The following PLXNA2 variants were observed in gnomAD, a reference collection of about 807,000 sequenced individuals.
PLXNA2 encodes the protein plexin A2, also known as plexin-A2.
PLXNA2 carries 91 observed loss-of-function variants against 193.5 expected under a neutral mutation model. The ratio of observed to expected loss-of-function variants is 0.47; its 90% CI spans 0.40 to 0.56. The LOEUF is 0.56. Ranked by LOEUF, PLXNA2 falls within the 20% of genes least tolerant of loss-of-function variation. The probability of loss-of-function intolerance (pLI) is 0.00; values close to 1 mark genes in which losing one functional copy is unlikely to be tolerated. For missense variants in PLXNA2, 1,995 were observed against 2,503.2 expected (o/e 0.80, Z 4.33); for synonymous variants, 997 against 1,027.3 (o/e 0.97, Z 0.56).
At chr1:208,060,245 T>G (rs1665571257) in intron 13 of PLXNA2, among the ~76,000 whole-genome samples, 1 of 152,172 alleles carries the variant, frequency 6.6e-6, no homozygotes, top group South Asian at 2.1e-4. Context: ...GACATTTCCC[T>G]TAGTGAAATA....
chr1:208,069,333 C>G (rs888486352), intron 12 of PLXNA2, among the ~76,000 whole-genome samples: 2 of 152,162 alleles, frequency 1.3e-5, no homozygotes, highest in Admixed American at 1.3e-4. Flanking sequence ...CCCAGGAGAG[C>G]GCCAGGGCAC....
intron 3 of PLXNA2, among the ~76,000 whole-genome samples, chr1:208,206,576 A>T (rs1670731684): frequency 6.6e-6 from 1 of 152,132 alleles, no homozygotes; most frequent in Non-Finnish European, 1.5e-5. Flanking sequence ...TCATCAGTTC[A>T]TCAGTTCTTC....
At chr1:208,138,075 T>C (rs990823664) in intron 4 of PLXNA2, among the ~76,000 whole-genome samples, 18 of 152,156 alleles carry the variant, frequency 1.2e-4, no homozygotes, top group African/African-American at 4.1e-4. Context: ...TCTTAAAAGG[T>C]CTCAGGACTT....
At chr1:208,192,713 C>T (rs866236824) in intron 3 of PLXNA2, among the ~76,000 whole-genome samples, 2 of 151,796 alleles carry the variant, frequency 1.3e-5, no homozygotes, top group Non-Finnish European at 2.9e-5. Context: ...ATGGAGAAAC[C>T]CTGTCTCTAT....
intron 17 of PLXNA2, among the ~76,000 whole-genome samples, chr1:208,047,900 C>T (rs1283326518): frequency 6.6e-6 from 1 of 152,178 alleles, no homozygotes; most frequent in Non-Finnish European, 1.5e-5. Context: ...ACATTCCTGC[C>T]CTTTTTGTGG....
At chr1:208,117,397 C>T (rs1667670874) in intron 4 of PLXNA2, among the ~76,000 whole-genome samples, 1 of 152,014 alleles carries the variant, frequency 6.6e-6, no homozygotes, top group African/African-American at 2.4e-5. Context: ...TGGTGGCAGG[C>T]TAAAAAGATG....
chr1:208,179,116 C>T (rs1252678304), intron 3 of PLXNA2, among the ~76,000 whole-genome samples: 1 of 152,266 alleles, frequency 6.6e-6, no homozygotes. Flanking sequence ...GGGGCAGAGG[C>T]CCTGTGGGTG....
intron 1 of PLXNA2, among the ~76,000 whole-genome samples, chr1:208,226,786 C>A (rs1671525160): frequency 6.6e-6 from 1 of 152,246 alleles, no homozygotes; most frequent in Non-Finnish European, 1.5e-5. Context: ...TCCCTGCCAC[C>A]CCATCCCCTG....
At chr1:208,115,646 C>T (rs758982888) in intron 4 of PLXNA2, among the ~76,000 whole-genome samples, 20 of 152,162 alleles carry the variant, frequency 1.3e-4, no homozygotes, top group Non-Finnish European at 2.2e-4. Flanking sequence ...ATGTATTAAA[C>T]ACCTACAATA....
At chr1:208,049,242 C>T (rs1270387834) in intron 17 of PLXNA2, among the ~76,000 whole-genome samples, 2 of 151,986 alleles carry the variant, frequency 1.3e-5, no homozygotes, top group Non-Finnish European at 2.9e-5. Flanking sequence ...AAGTTATACT[C>T]TGGCCTTGCC....
At chr1:208,057,766 C>T (rs1448838672) in intron 13 of PLXNA2, among the ~76,000 whole-genome samples, 2 of 152,198 alleles carry the variant, frequency 1.3e-5, no homozygotes, top group African/African-American at 2.4e-5. Flanking sequence ...CCAGCTTTGA[C>T]ATCTGAAGAC....
chr1:208,225,395 T>C (rs1247521272), intron 1 of PLXNA2, among the ~76,000 whole-genome samples: 2 of 152,094 alleles, frequency 1.3e-5, no homozygotes, highest in East Asian at 1.9e-4. Flanking sequence ...CTCCATCTCC[T>C]GGACTCAAAC....
chr1:208,201,290 T>G (rs1442928975), intron 3 of PLXNA2, among the ~76,000 whole-genome samples: 1 of 152,146 alleles, frequency 6.6e-6, no homozygotes. Context: ...TGGGCCTGTT[T>G]TAGTTAATTC....
In PLXNA2 at chr1:208,195,509, A is replaced by C. The variant is rs1242608451; in HGVS notation, c.1371+14771T>G. Among the ~76,000 whole-genome samples, 6 of 152,148 alleles carry C rather than the reference A, an allele frequency of 3.9e-5. No homozygotes were observed. In the East Asian group the frequency reaches 1.2e-3, roughly 29 times the overall value. ...CATGGCCTTGGCTGCATTTACTGCC[A>C]GTGGCTGTGGTTTATCTCCCATTGT... On this transcript the variant is annotated intron_variant, in intron 3 of 31. Transcript: ENST00000367033.
chr1:208,181,495 A>G (rs1185842150), intron 3 of PLXNA2, among the ~76,000 whole-genome samples: 1 of 152,228 alleles, frequency 6.6e-6, no homozygotes, highest in African/African-American at 2.4e-5. Context: ...TTCCTTTGCC[A>G]AAACACACTG....
intron 8 of PLXNA2, 83 bp downstream of exon 8, chr1:208,095,946 C>T: frequency 9.3e-7 from 1 of 1,077,096 alleles, no homozygotes; most frequent in African/African-American, 1.6e-5. Flanking sequence ...TGGTTCCTGC[C>T]CTAAAGGAGC....
chr1:208,165,960 G>T (rs1436952194), intron 3 of PLXNA2, among the ~76,000 whole-genome samples: 2 of 152,162 alleles, frequency 1.3e-5, no homozygotes, highest in African/African-American at 4.8e-5. Context: ...TCCTGCTACA[G>T]CTGAGGGCTC....
intron 15 of PLXNA2, 55 bp from the exon 16 acceptor site, chr1:208,051,478 C>T: frequency 2.0e-6 from 3 of 1,494,444 alleles, no homozygotes; most frequent in Non-Finnish European, 2.7e-6. Flanking sequence ...ACAAGAGGTG[C>T]CCACTGGCTT....
chr1:208,044,613 G>GGACGATGAT lies in PLXNA2; in HGVS notation c.3760_3768dup (p.Ile1254_Val1256dup), dbSNP rs1571856208. 1.9e-6 allele frequency: 3 copies of GGACGATGAT among 1,614,152 alleles called. No homozygotes were observed. The highest frequency in any genetic ancestry group is 4.5e-5 in the East Asian group (2 of 44,866). ...CGAGACTTGCGCTTGTAGGCAATGA[G>GGACGATGAT]GACGATGATGACGATGATGAGGAGG... is the stretch of plus-strand genomic sequence containing the variant. On this transcript the variant is annotated inframe_insertion, in exon 20 of 32. Transcript: ENST00000367033. The surrounding 1 kb of genome is among the most constrained non-coding windows in gnomAD (Gnocchi z 4.9).
Sources: allele counts gnomAD v4.1 joint callset (sites outside exome capture counted in the v4.1 genomes callset), GRCh38; gene constraint gnomAD v4.1.1; non-coding constraint Gnocchi (gnomAD v3.1); transcripts MANE v1.5; gene names NCBI Gene and HGNC (gene_info 2026-07-23, HGNC 2026-07-21).